ENTREP1: variants seen among roughly 807,000 people sequenced by gnomAD.
ENTREP1 encodes the protein Friedreich ataxia region gene X123.
chr9:69,337,031 T>C, the ENTREP1 span, among the ~76,000 whole-genome samples: 9 of 89,086 alleles, frequency 1.0e-4, no homozygotes, highest in Admixed American at 9.4e-4. Flanking sequence ...TTTTTTTTTT[T>C]TTTGATACAG....
the ENTREP1 span, among the ~76,000 whole-genome samples, chr9:69,340,776 T>TATGTGTGTGTGC: frequency 1.5e-5 from 2 of 137,232 alleles, no homozygotes; most frequent in Non-Finnish European, 3.1e-5. Context: ...TGTGTGTGTG[T>TATGTGTGTGTGC]ATGTGTGTGT....
chr9:69,368,854 C>A, the ENTREP1 span, among the ~76,000 whole-genome samples: 69 of 151,808 alleles, frequency 4.5e-4, no homozygotes, highest in African/African-American at 1.5e-3. Flanking sequence ...TTAAATTATA[C>A]TTTAAGTTCT....
chr9:69,358,501 A>AT, the ENTREP1 span, among the ~76,000 whole-genome samples: 2 of 152,176 alleles, frequency 1.3e-5, no homozygotes, highest in Non-Finnish European at 2.9e-5. Context: ...GGAGAAAAGC[A>AT]TTTTTTAACA....
At chr9:69,325,062 A>G in the ENTREP1 span, 4 of 985,192 alleles carry the variant, frequency 4.1e-6, no homozygotes, top group Admixed American at 1.2e-4. Context: ...CGCGTGGGTG[A>G]GAGTGAGGGT....
chr9:69,356,386 GC>G, the ENTREP1 span, among the ~76,000 whole-genome samples: 1 of 152,170 alleles, frequency 6.6e-6, no homozygotes, highest in Non-Finnish European at 1.5e-5. Flanking sequence ...TATGAGGAAC[GC>G]CCTGTGAGTA....
the ENTREP1 span, chr9:69,382,176 A>T: frequency 6.6e-6 from 1 of 152,308 alleles, no homozygotes; most frequent in Non-Finnish European, 1.5e-5. Context: ...ATAGAAGTCC[A>T]TAGGTCTCAT....
chr9:69,365,239 TCTC>T, the ENTREP1 span, among the ~76,000 whole-genome samples: 1 of 152,164 alleles, frequency 6.6e-6, no homozygotes, highest in Non-Finnish European at 1.5e-5. Flanking sequence ...TTCCAGTCAA[TCTC>T]CTCCTTCCCT....
chr9:69,386,238 C>A, the ENTREP1 span: 93,548 of 238,546 alleles, frequency 0.39, 18,858 homozygotes, highest in Admixed American at 0.44. Context: ...CAATTATGCA[C>A]ACCTAGTTCT....
the ENTREP1 span, among the ~76,000 whole-genome samples, chr9:69,365,340 A>G: frequency 7.2e-5 from 11 of 152,164 alleles, no homozygotes; most frequent in African/African-American, 2.7e-4. Flanking sequence ...AAGTGAAATC[A>G]TACAGTATCT....
chr9:69,345,595 C>T, the ENTREP1 span, among the ~76,000 whole-genome samples: 1 of 152,136 alleles, frequency 6.6e-6, no homozygotes, highest in Non-Finnish European at 1.5e-5. Flanking sequence ...AGCCTTCTTA[C>T]TCTTTTTTAA....
At chr9:69,385,592 G>A in the ENTREP1 span, among the ~76,000 whole-genome samples, 3 of 152,160 alleles carry the variant, frequency 2.0e-5, no homozygotes, top group Non-Finnish European at 4.4e-5. Context: ...GTGTGGAGGG[G>A]TGGTTTGGAA....
the ENTREP1 span, chr9:69,391,645 G>A: frequency 1.2e-6 from 2 of 1,614,110 alleles, no homozygotes; most frequent in Non-Finnish European, 8.5e-7. Flanking sequence ...CCCACAAGCT[G>A]CCCTCGCGGA....
At chr9:69,365,017 T>G in the ENTREP1 span, among the ~76,000 whole-genome samples, 1 of 152,200 alleles carries the variant, frequency 6.6e-6, no homozygotes, top group Non-Finnish European at 1.5e-5. Flanking sequence ...ATTTTAGAAG[T>G]AGCCACATTC....
the ENTREP1 span, among the ~76,000 whole-genome samples, chr9:69,372,733 T>A: frequency 2.0e-5 from 3 of 152,306 alleles, no homozygotes; most frequent in East Asian, 3.9e-4. Context: ...CTATTTTAAA[T>A]TTTTTGAGGA....
At chr9:69,327,010 GAAA>G in the ENTREP1 span, among the ~76,000 whole-genome samples, 3 of 139,408 alleles carry the variant, frequency 2.2e-5, no homozygotes, top group Non-Finnish European at 3.1e-5. Flanking sequence ...AGACCAAATT[GAAA>G]AAAAAAAAAA....
the ENTREP1 span, among the ~76,000 whole-genome samples, chr9:69,370,373 C>G: frequency 1.2e-3 from 190 of 152,242 alleles, no homozygotes; most frequent in African/African-American, 4.3e-3. Context: ...TTCCAAGAAG[C>G]TGTGGCATAA....
At chr9:69,389,594 C>T in the ENTREP1 span, among the ~76,000 whole-genome samples, 1 of 152,312 alleles carries the variant, frequency 6.6e-6, no homozygotes, top group Admixed American at 6.5e-5. Context: ...AAACATTTTA[C>T]ATCCTGGTGT....
At chr9:69,378,050 T>C in the ENTREP1 span, among the ~76,000 whole-genome samples, 1 of 152,212 alleles carries the variant, frequency 6.6e-6, no homozygotes, top group Non-Finnish European at 1.5e-5. Context: ...TTTCTCTTTT[T>C]GTCTGATAAA....
the ENTREP1 span, among the ~76,000 whole-genome samples, chr9:69,364,989 C>T: frequency 6.6e-6 from 1 of 152,274 alleles, no homozygotes; most frequent in South Asian, 2.1e-4. Context: ...ATTCTCTCAG[C>T]TTGTCTGTCA....
Sources: allele counts gnomAD v4.1 joint callset (sites outside exome capture counted in the v4.1 genomes callset), GRCh38; gene constraint gnomAD v4.1.1; transcripts MANE v1.5; gene names NCBI Gene and HGNC (gene_info 2026-07-23, HGNC 2026-07-21).